Variants in ALK observed in about 807,000 individuals in gnomAD.
The protein encoded by ALK is ALK tyrosine kinase receptor.
A neutral mutation model predicts 163.1 loss-of-function variants in ALK; 74 were observed. The ratio of observed to expected loss-of-function variants is 0.45; its 90% CI spans 0.38 to 0.55. The LOEUF is 0.55. Ranked by LOEUF, ALK falls within the 20% of genes least tolerant of loss-of-function variation. ALK has a pLI of 0.00. For missense variants in ALK, 2,063 were observed against 2,105.3 expected (o/e 0.98, Z 0.39); for synonymous variants, 960 against 843.2 (o/e 1.14, Z -2.40).
chr2:29,684,361 C>T (rs917949773), intron 3 of ALK, among the ~76,000 whole-genome samples: 3 of 152,208 alleles, frequency 2.0e-5, no homozygotes, highest in Non-Finnish European at 4.4e-5. Flanking sequence ...TCTGATGTCA[C>T]GTGTCAGCCA....
At position 29,669,455 on chromosome 2, in the gene ALK, T is replaced by A. The variant is rs545342117; in HGVS notation, c.952+25395A>T. ...GGATTCCAGTTGCATGGAATATCTT[T>A]TTTCACCCCTTCACTTTCAGTCTAT... On this transcript the variant is annotated intron_variant, in intron 3 of 28. Coordinates refer to ENST00000389048, the MANE Select transcript of ALK (RefSeq NM_004304.5). Among the ~76,000 whole-genome samples, 5 of 152,216 alleles carry A rather than the reference T, an allele frequency of 3.3e-5. No homozygotes were observed. In the East Asian group the frequency reaches 9.7e-4, roughly 29 times the overall value.
chr2:29,694,549 C>A (rs1323974364), intron 3 of ALK, among the ~76,000 whole-genome samples: 1 of 152,180 alleles, frequency 6.6e-6, no homozygotes, highest in East Asian at 1.9e-4. Flanking sequence ...TTTTATCTGG[C>A]AATCCCATTT....
chr2:29,842,766 C>A (rs1166979629), intron 1 of ALK, among the ~76,000 whole-genome samples: 1 of 152,182 alleles, frequency 6.6e-6, no homozygotes, highest in African/African-American at 2.4e-5. Context: ...GTAGACCTAA[C>A]AACAGTAGTG....
rs2879500 is a variant in ALK, at chr2:29,665,492, C to A, written c.952+29358G>T. Among the ~76,000 whole-genome samples, 583 of 152,106 alleles carry A rather than the reference C, an allele frequency of 3.8e-3. 4 individuals carry two copies. The highest frequency in any genetic ancestry group is 0.013 in the African/African-American group (552 of 41,506). The stretch of plus-strand genomic sequence containing the variant: ...CTTACGTCTTATGTATTTATGGCAT[C>A]CTTTATCCTTTATGCCTACCATGGC... On this transcript the variant is annotated intron_variant, in intron 3 of 28. Transcript: ENST00000389048.
At chr2:29,755,941 G>C (rs1476825911) in intron 1 of ALK, among the ~76,000 whole-genome samples, 1 of 152,206 alleles carries the variant, frequency 6.6e-6, no homozygotes, top group South Asian at 2.1e-4. Context: ...ACAAACCCAA[G>C]TTTTAATAAG....
chr2:29,567,818 T>G (rs1215322046), intron 3 of ALK, among the ~76,000 whole-genome samples: 1 of 152,238 alleles, frequency 6.6e-6, no homozygotes, highest in Admixed American at 6.5e-5. Context: ...ATTTTCCTGA[T>G]TCATTCTGCT....
At chr2:29,573,052 T>C (rs1674424161) in intron 3 of ALK, among the ~76,000 whole-genome samples, 1 of 152,222 alleles carries the variant, frequency 6.6e-6, no homozygotes, top group Non-Finnish European at 1.5e-5. Context: ...AATTTCTGGG[T>C]AAGCTGCAGG....
intron 3 of ALK, among the ~76,000 whole-genome samples, chr2:29,539,807 T>C (rs1430043445): frequency 6.6e-6 from 1 of 152,204 alleles, no homozygotes; most frequent in African/African-American, 2.4e-5. Context: ...TTATGCTTTA[T>C]TGTCTAAAGT....
At chr2:29,913,588 T>A (rs1201555374) in intron 1 of ALK, among the ~76,000 whole-genome samples, 6 of 152,188 alleles carry the variant, frequency 3.9e-5, no homozygotes, top group African/African-American at 1.4e-4. Flanking sequence ...CCACACGCCT[T>A]ATTTTTTATC....
intron 1 of ALK, among the ~76,000 whole-genome samples, chr2:29,754,600 G>A (rs1006176494): frequency 1.3e-5 from 2 of 152,042 alleles, no homozygotes; most frequent in Admixed American, 1.3e-4. Context: ...TGAAGTGGGA[G>A]GATCGCTTGA....
chr2:29,549,897 CA>C (rs1311726585), intron 3 of ALK, among the ~76,000 whole-genome samples: 1 of 151,998 alleles, frequency 6.6e-6, no homozygotes, highest in African/African-American at 2.4e-5. Context: ...CTAGAAAATC[CA>C]AAAGGACATT....
intron 2 of ALK, among the ~76,000 whole-genome samples, chr2:29,711,870 G>A (rs1679111546): frequency 1.3e-5 from 2 of 152,126 alleles, no homozygotes; most frequent in African/African-American, 4.8e-5. Context: ...GTCCCACTTT[G>A]TGAAAAGTGT....
intron 3 of ALK, among the ~76,000 whole-genome samples, chr2:29,570,755 G>C (rs140119983): frequency 2.0e-3 from 304 of 152,274 alleles, no homozygotes; most frequent in African/African-American, 7.1e-3. Flanking sequence ...ATGAAAGCAG[G>C]GTTCCCTGGC....
intron 2 of ALK, among the ~76,000 whole-genome samples, chr2:29,695,464 C>T (rs1369785420): frequency 1.3e-5 from 2 of 152,168 alleles, no homozygotes; most frequent in Non-Finnish European, 2.9e-5. Context: ...GTACATTAGG[C>T]TGATAATTAC....
intron 5 of ALK, among the ~76,000 whole-genome samples, chr2:29,356,928 C>A (rs1668261438): frequency 1.1e-5 from 1 of 94,450 alleles, no homozygotes; most frequent in Non-Finnish European, 2.6e-5. Context: ...CCCCATCCAG[C>A]CCATGACTGC....
At position 29,412,889 on chromosome 2, in the gene ALK, T is replaced by C. The variant is rs528220810; in HGVS notation, c.1155-29030A>G. Among the ~76,000 whole-genome samples, 30 of 152,356 alleles carry C rather than the reference T, an allele frequency of 2.0e-4. No homozygotes were observed. In the East Asian group the frequency reaches 2.9e-3, roughly 15 times the overall value. On this transcript the variant is annotated intron_variant, in intron 4 of 28. Transcript: ENST00000389048. ...ATCCAAGTTGTGAGGAGTTTCTCCA[T>C]AACTGCTATAGACCCTTCTAGAATT...
intron 12 of ALK, among the ~76,000 whole-genome samples, chr2:29,249,348 T>C (rs1664760568): frequency 6.6e-6 from 1 of 152,190 alleles, no homozygotes; most frequent in Admixed American, 6.5e-5. Flanking sequence ...TTCTTCATAT[T>C]GCTTTTTGTA....
At chr2:29,596,793 G>A (rs948200027) in intron 3 of ALK, among the ~76,000 whole-genome samples, 5 of 152,172 alleles carry the variant, frequency 3.3e-5, no homozygotes, top group South Asian at 2.1e-4. Flanking sequence ...GCCAGGGCAC[G>A]TCCCTACTTC....
intron 3 of ALK, among the ~76,000 whole-genome samples, chr2:29,621,056 G>T (rs540038712): frequency 6.6e-6 from 1 of 152,178 alleles, no homozygotes; most frequent in Admixed American, 6.5e-5. Flanking sequence ...TGAAATAGGG[G>T]TTGGAAATGA....
Sources: allele counts gnomAD v4.1 joint callset (sites outside exome capture counted in the v4.1 genomes callset), GRCh38; gene constraint gnomAD v4.1.1; transcripts MANE v1.5; gene names NCBI Gene and HGNC (gene_info 2026-07-23, HGNC 2026-07-21).